CDH19: variants seen among roughly 807,000 people sequenced by gnomAD.
CDH19 encodes cadherin 19.
In CDH19, 67 loss-of-function variants were observed where a neutral mutation model predicts 64.2. That is an observed-to-expected ratio of 1.04 (90% CI 0.86 to 1.28). The LOEUF is 1.28. Among genes scored for constraint, CDH19 ranks in the 50% most tolerant of loss-of-function variants. The probability of loss-of-function intolerance (pLI) is 0.00; values close to 1 mark genes in which losing one functional copy is unlikely to be tolerated. For missense variants in CDH19, 1,030 were observed against 929.0 expected (o/e 1.11, Z -1.41); for synonymous variants, 346 against 319.3 (o/e 1.08, Z -0.89).
At chr18:66,535,736 T>C (rs1334224493) in intron 7 of CDH19, among the ~76,000 whole-genome samples, 1 of 147,136 alleles carries the variant, frequency 6.8e-6, no homozygotes, top group Non-Finnish European at 1.5e-5. Context: ...AATACATATA[T>C]GCTTTATTCT....
intron 3 of CDH19, among the ~76,000 whole-genome samples, chr18:66,563,123 C>T (rs1320811103): frequency 6.6e-6 from 1 of 151,950 alleles, no homozygotes. Flanking sequence ...AAAAATTTTC[C>T]TATGCAGACT....
At position 66,511,649 on chromosome 18, in the gene CDH19, A is replaced by T. The variant is rs764940938; in HGVS notation, c.1495T>A (p.Ser499Thr). The change falls in exon 10 of 12, where the codon TCC becomes ACC. Residue 499 changes from serine to threonine, a missense_variant. Ser to Thr is a moderately conservative substitution (Grantham distance 58). Transcript: ENST00000262150. ...AAGTAAAAATGGTGCTCTTCTATGG[A>T]TTCATCTCTATCCACTGCACTGATA... ...QTISAVDRDE[S>T]IEEHHFYFNL... 8.9e-6 allele frequency: 14 copies of T among 1,575,354 alleles called. No individual in the cohort carries two copies. Among genetic ancestry groups the T allele is most frequent in the Non-Finnish European group, 1.2e-5 (14 of 1,146,266 alleles).
At chr18:66,538,241 G>T (rs1172958973) in intron 7 of CDH19, among the ~76,000 whole-genome samples, 1 of 151,826 alleles carries the variant, frequency 6.6e-6, no homozygotes, top group African/African-American at 2.4e-5. Context: ...CTCTCCTTTT[G>T]ATTATGTTAT....
chr18:66,522,092 G>A (rs999324896), intron 9 of CDH19, among the ~76,000 whole-genome samples: 1 of 150,012 alleles, frequency 6.7e-6, no homozygotes, highest in African/African-American at 2.5e-5. Flanking sequence ...TACTACAGGC[G>A]CCCGCCACCA....
intron 7 of CDH19, among the ~76,000 whole-genome samples, chr18:66,537,969 C>A (rs942895429): frequency 4.6e-5 from 7 of 152,046 alleles, no homozygotes; most frequent in Non-Finnish European, 1.0e-4. Flanking sequence ...CAGTGTGACA[C>A]CTTCATGTAA....
Position 66,503,915 on chromosome 18 carries a change from C to T in CDH19, c.*897G>A, listed in dbSNP as rs1045631394. The T allele has an allele frequency of 2.2e-4, 33 of 151,888 alleles. No homozygotes were observed. The highest frequency in any genetic ancestry group is 8.0e-4 in the African/African-American group (33 of 41,412). 9.4% of individuals were successfully genotyped at this position (151,888 alleles called of 1,614,324 possible). On this transcript the variant is annotated 3_prime_UTR_variant, in exon 12 of 12. Coordinates refer to ENST00000262150, the MANE Select transcript of CDH19 (RefSeq NM_021153.4). ...AAATGTTTTTAAACATTTATGTAAT[C>T]ACCCACATTATCCTAGGTGTTAAAG...
chr18:66,575,603 C>G (rs1209749773), intron 1 of CDH19, among the ~76,000 whole-genome samples: 1 of 151,750 alleles, frequency 6.6e-6, no homozygotes, highest in Admixed American at 6.6e-5. Flanking sequence ...AGTTGTTACA[C>G]CAAAGCCGTA....
intron 11 of CDH19, among the ~76,000 whole-genome samples, chr18:66,508,666 A>G (rs1042172901): frequency 1.3e-5 from 2 of 151,886 alleles, no homozygotes; most frequent in African/African-American, 4.8e-5. Context: ...ACTCGAGAGA[A>G]GCTCGCCATT....
At chr18:66,525,422 A>G (rs1986183690) in intron 9 of CDH19, among the ~76,000 whole-genome samples, 1 of 152,076 alleles carries the variant, frequency 6.6e-6, no homozygotes, top group Non-Finnish European at 1.5e-5. Context: ...GGAAGGAGGA[A>G]GAGATTAACA....
In CDH19 at chr18:66,501,676, T is replaced by C. The variant is rs776417782; in HGVS notation, c.*3136A>G. 6.6e-6 allele frequency: 1 copy of C among 152,138 alleles called. No individual in the cohort carries two copies. The highest frequency in any genetic ancestry group is 1.5e-5 in the Non-Finnish European group (1 of 68,024). The allele number at this position is 152,138 out of a possible 1,614,324, so 9.4% of individuals were successfully genotyped here. A position where few individuals can be genotyped will look rare whatever the true frequency, so the allele number is the denominator to read the frequency against. On this transcript the variant is annotated 3_prime_UTR_variant, in exon 12 of 12. Coordinates refer to ENST00000262150, the MANE Select transcript of CDH19 (RefSeq NM_021153.4). ...CTGTTGTTATAATAATTCACTGTTA[T>C]TTATTGAGCAGTTATATTTTGTCAG...
intron 1 of CDH19, among the ~76,000 whole-genome samples, chr18:66,589,228 A>AT (rs1412207622): frequency 6.6e-6 from 1 of 150,528 alleles, no homozygotes; most frequent in Non-Finnish European, 1.5e-5. Flanking sequence ...AATTGAATGA[A>AT]TATACATATT....
At chr18:66,547,087 G>A (rs2144499234) in intron 5 of CDH19, among the ~76,000 whole-genome samples, 1 of 152,194 alleles carries the variant, frequency 6.6e-6, no homozygotes, top group Admixed American at 6.5e-5. Flanking sequence ...AACTAAAGGA[G>A]AACAATGGTG....
intron 1 of CDH19, among the ~76,000 whole-genome samples, chr18:66,574,996 T>A (rs1423783055): frequency 6.6e-6 from 1 of 151,822 alleles, no homozygotes. Context: ...TGTCAGGTAT[T>A]GGAACAGCTA....
At chr18:66,601,566 G>A (rs1989037857) in intron 1 of CDH19, among the ~76,000 whole-genome samples, 1 of 151,932 alleles carries the variant, frequency 6.6e-6, no homozygotes, top group African/African-American at 2.4e-5. Flanking sequence ...TTTTAAAAAT[G>A]ATGTTTTGCT....
intron 4 of CDH19, 80 bp downstream of exon 4, chr18:66,554,325 T>A: frequency 7.0e-7 from 1 of 1,426,464 alleles, no homozygotes; most frequent in South Asian, 1.2e-5. Flanking sequence ...CTGTAAAACA[T>A]GTTTCTAAGC....
intron 1 of CDH19, among the ~76,000 whole-genome samples, chr18:66,574,639 C>A (rs1228031770): frequency 6.6e-6 from 1 of 151,694 alleles, no homozygotes; most frequent in Non-Finnish European, 1.5e-5. Flanking sequence ...TGTATAACTG[C>A]AGTTTCTAGA....
intron 3 of CDH19, among the ~76,000 whole-genome samples, chr18:66,558,540 G>T (rs1987605032): frequency 6.6e-6 from 1 of 151,770 alleles, no homozygotes; most frequent in South Asian, 2.1e-4. Context: ...GTAACATAAA[G>T]AGATCACAAT....
At chr18:66,531,460 T>C (rs936190718) in intron 8 of CDH19, among the ~76,000 whole-genome samples, 4 of 151,926 alleles carry the variant, frequency 2.6e-5, no homozygotes, top group Admixed American at 2.6e-4. Flanking sequence ...CTACTAAAAA[T>C]CCAAAAAAAT....
At chr18:66,548,068 A>C (rs1016396813) in intron 5 of CDH19, among the ~76,000 whole-genome samples, 2 of 147,012 alleles carry the variant, frequency 1.4e-5, no homozygotes, top group Non-Finnish European at 3.0e-5. Flanking sequence ...TATATATTGA[A>C]TGTATATTAT....
Sources: gnomAD v4.1 joint callset for allele counts (sites outside exome capture counted in the v4.1 genomes callset) on GRCh38, gnomAD v4.1.1 for gene constraint, MANE v1.5 for transcripts, NCBI Gene and HGNC (gene_info 2026-07-23, HGNC 2026-07-21) for gene names.